Variants in MRPS10 observed in about 807,000 individuals in gnomAD.
MRPS10 encodes mitochondrial ribosomal protein S10, also known as small ribosomal subunit protein uS10m.
In MRPS10, 23 loss-of-function variants were observed where a neutral mutation model predicts 27.5. That is an observed-to-expected ratio of 0.84 (90% CI 0.60 to 1.18). The LOEUF is 1.18. MRPS10 is among the 50% of genes most tolerant of loss of function. The pLI, the probability that MRPS10 is intolerant of heterozygous loss-of-function variation, is 0.00. For synonymous variants in MRPS10, 88 were observed against 84.2 expected, an observed-to-expected ratio of 1.04 and a Z score of -0.25; for missense variants, 237 against 240.1, an observed-to-expected ratio of 0.99 and a Z score of 0.09.
chr6:42,216,414 T>TGTGTGTGTGTGTGTGTGTG (rs1768943696), intron 1 of MRPS10, among the ~76,000 whole-genome samples: 1 of 43,594 alleles, frequency 2.3e-5, no homozygotes, highest in Non-Finnish European at 5.4e-5. Flanking sequence ...GTGTGTGTGT[T>TGTGTGTGTGTGTGTGTGTG]GGGGGAGTGG....
intron 3 of MRPS10, among the ~76,000 whole-genome samples, chr6:42,212,362 T>C (rs1057481078): frequency 2.0e-5 from 3 of 152,222 alleles, no homozygotes; most frequent in African/African-American, 7.2e-5. Context: ...GGTAAACCTA[T>C]GCTATTGCTC....
rs1289571386 is a variant in MRPS10 at position 42,206,818 on chromosome 6, A to T, written c.*1471T>A. 6.6e-6 allele frequency: 1 copy of T among 152,206 alleles called. No homozygotes were observed. Among genetic ancestry groups the T allele is most frequent in the Non-Finnish European group, 1.5e-5 (1 of 68,038 alleles). The allele number at this position is 152,206 out of a possible 1,614,324, so 9.4% of individuals were successfully genotyped here. ...AACTGAGCTGAAGGTCATGGGGCAC[A>T]AAGCTGCAATTCTTTTAATGGTGAT... On this transcript the variant is annotated 3_prime_UTR_variant, in exon 7 of 7. Transcript: ENST00000053468.
intron 4 of MRPS10, among the ~76,000 whole-genome samples, 177 bp downstream of exon 4, chr6:42,211,604 G>GCAGAGGTT (rs1484210899): frequency 4.0e-5 from 6 of 150,394 alleles, no homozygotes; most frequent in Non-Finnish European, 2.9e-5. Context: ...AACCCAGGAG[G>GCAGAGGTT]CAGAGGTTGC....
At chr6:42,214,484 A>G (rs1200735816) in intron 1 of MRPS10, 140 bp from the exon 2 acceptor site, 4 of 76,404 alleles carry the variant, frequency 5.2e-5, no homozygotes, top group East Asian at 1.3e-3. Context: ...AATTAGATTG[A>G]AAAAAAAAAG....
chr6:42,208,405 G>T, intron 6 of MRPS10, 33 bp from the exon 7 acceptor site: 2 of 1,451,462 alleles, frequency 1.4e-6, no homozygotes, highest in Non-Finnish European at 1.9e-6. Flanking sequence ...CTATAATGTG[G>T]ATTTAACAGA....
chr6:42,209,845 A>G (rs1361673288), intron 5 of MRPS10, among the ~76,000 whole-genome samples: 1 of 152,030 alleles, frequency 6.6e-6, no homozygotes, highest in Non-Finnish European at 1.5e-5. Flanking sequence ...CATATAAAAG[A>G]TACATAAGTG....
At position 42,212,016 on chromosome 6, in the gene MRPS10, A is replaced by G. The variant is rs901603240; in HGVS notation, c.187-99T>C. 5.4e-6 allele frequency: 6 copies of G among 1,111,908 alleles called. No homozygotes were observed. The East Asian group carries it at 1.4e-4, about 27-fold the overall frequency. The allele number at this position is 1,111,908 out of a possible 1,614,324, so 68.9% of individuals were successfully genotyped here. ...CAATTGAACAACTTCAGAGTTTACT[A>G]ATAAATGAGGAGAAAAACACTGAGT... is the stretch of plus-strand genomic sequence containing the variant. On this transcript the variant is annotated intron_variant, in intron 3 of 6. Transcript: ENST00000053468.
rs1768783857 is a variant in MRPS10, at chr6:42,211,782, C to CT, written c.321dup (p.Val108SerfsTer3). ...CGGGTCAGGAAAGGCCATACTCACA[C>CT]TTTAATAGAGATACCAAGTTCTTTA... On this transcript the variant is annotated frameshift_variant and splice_region_variant, in exon 4 of 7. Coordinates refer to ENST00000053468, the MANE Select transcript of MRPS10 (RefSeq NM_018141.4). LOFTEE classifies it high-confidence loss of function. The CT allele has an allele frequency of 6.2e-7, 1 of 1,612,234 alleles. No individual in the cohort carries two copies. Among genetic ancestry groups the CT allele is most frequent in the South Asian group, 1.1e-5 (1 of 90,816 alleles).
At chr6:42,216,110 G>A (rs187856640) in intron 1 of MRPS10, among the ~76,000 whole-genome samples, 499 of 141,872 alleles carry the variant, frequency 3.5e-3, no homozygotes, top group Non-Finnish European at 5.7e-3. Flanking sequence ...TGAAACCTCC[G>A]CCTCCTGGGT....
Position 42,211,657 on chromosome 6 carries a change from G to C in MRPS10, c.323+124C>G, listed in dbSNP as rs985637209. 15 of 867,582 alleles carry C rather than the reference G, an allele frequency of 1.7e-5. No individual in the cohort carries two copies. The African/African-American group carries it at 2.4e-4, about 14-fold the overall frequency. 53.7% of individuals were successfully genotyped at this position (867,582 alleles called of 1,614,324 possible). On this transcript the variant is annotated intron_variant, in intron 4 of 6. Transcript: ENST00000053468. The stretch of plus-strand genomic sequence containing the variant: ...CCACTGTACTCCAGCCTGGGCAACA[G>C]AGCGAGACTCTGTCTCAAAAAAAAA...
At chr6:42,216,340 A>AT (rs1214624935) in intron 1 of MRPS10, among the ~76,000 whole-genome samples, 1 of 92,660 alleles carries the variant, frequency 1.1e-5, no homozygotes, top group Non-Finnish European at 2.4e-5. Flanking sequence ...TTTAAATTGC[A>AT]TTTTTTCTTT....
chr6:42,209,006 GT>G (rs985739480), intron 5 of MRPS10, 59 bp from the exon 6 acceptor site: 371 of 442,362 alleles, frequency 8.4e-4, no homozygotes, highest in Middle Eastern at 1.2e-3. Context: ...ACGGTTTTTT[GT>G]TTTTTTTTTT....
intron 3 of MRPS10, among the ~76,000 whole-genome samples, chr6:42,212,468 AT>A (rs200613318): frequency 0.016 from 2,458 of 152,310 alleles, 64 homozygotes; most frequent in African/African-American, 0.054. Context: ...TTCTATTCAT[AT>A]TTTTTATTAG....
Position 42,207,128 on chromosome 6 carries a change from T to A in MRPS10, c.*1161A>T, listed in dbSNP as rs1259605941. 1.3e-5 allele frequency: 2 copies of A among 149,838 alleles called. No individual in the cohort carries two copies. The highest frequency in any genetic ancestry group is 1.3e-4 in the Admixed American group (2 of 15,226). 9.3% of individuals were successfully genotyped at this position (149,838 alleles called of 1,614,324 possible). A position where few individuals can be genotyped will look rare whatever the true frequency, so the allele number is the denominator to read the frequency against. ...ATTTCATTTCATGGAAAAGCAGACA[T>A]CTCCTAACAAACAGAGTGACATTTA... On this transcript the variant is annotated 3_prime_UTR_variant, in exon 7 of 7. Transcript: ENST00000053468.
chr6:42,214,527 A>G (rs1447399531), intron 1 of MRPS10, among the ~76,000 whole-genome samples, 183 bp from the exon 2 acceptor site: 2 of 152,126 alleles, frequency 1.3e-5, no homozygotes, highest in African/African-American at 2.4e-5. Context: ...TAAAAAAAAA[A>G]GCAGTCTCAA....
At position 42,207,041 on chromosome 6, in the gene MRPS10, G is replaced by A. The variant is rs1768611615; in HGVS notation, c.*1248C>T. ...AAAAAGAAAATGAAGCACTTCTCTG[G>A]GGTTGCTATACCAACTGTTTCAGCC... is the stretch of plus-strand genomic sequence containing the variant. On this transcript the variant is annotated 3_prime_UTR_variant, in exon 7 of 7. Transcript: ENST00000053468. 1 of 152,098 alleles carries A rather than the reference G, an allele frequency of 6.6e-6. No homozygotes were observed. Among genetic ancestry groups the A allele is most frequent in the Non-Finnish European group, 1.5e-5 (1 of 68,010 alleles). The allele number at this position is 152,098 out of a possible 1,614,324, so 9.4% of individuals were successfully genotyped here.
chr6:42,215,896 AAATTCCCTCCCAAC>A (rs1429228342), intron 1 of MRPS10, among the ~76,000 whole-genome samples: 1 of 152,138 alleles, frequency 6.6e-6, no homozygotes, highest in Non-Finnish European at 1.5e-5. Flanking sequence ...ATTGCATAGA[AAATTCCCTCCCAAC>A]AATTACACCA....
intron 1 of MRPS10, among the ~76,000 whole-genome samples, chr6:42,215,368 A>AAAAAAAAAAAAAAAG (rs1768897063): frequency 6.6e-6 from 1 of 151,254 alleles, no homozygotes; most frequent in Non-Finnish European, 1.5e-5. Context: ...TCAAAAAAAA[A>AAAAAAAAAAAAAAAG]AAAAGAAGTT....
chr6:42,217,744 G>A lies in MRPS10; in HGVS notation c.48+58C>T. On this transcript the variant is annotated intron_variant, in intron 1 of 6. Transcript: ENST00000053468. Reference sequence around the variant, plus strand: ...GATGGGCAGAGCGGCTGGTGGCAGGGAAACTTAAAAGCAACTATCCCGGTC... The same window carrying A: ...GATGGGCAGAGCGGCTGGTGGCAGGAAAACTTAAAAGCAACTATCCCGGTC... 1.9e-6 allele frequency: 3 copies of A among 1,575,134 alleles called. No individual in the cohort carries two copies. The South Asian group carries it at 3.3e-5, about 17-fold the overall frequency.
Sources: gnomAD v4.1 joint callset for allele counts (sites outside exome capture counted in the v4.1 genomes callset) on GRCh38, gnomAD v4.1.1 for gene constraint, MANE v1.5 for transcripts, NCBI Gene and HGNC (gene_info 2026-07-23, HGNC 2026-07-21) for gene names.